The following DCDC2 variants were observed in gnomAD, a reference collection of about 807,000 sequenced individuals.
DCDC2 encodes doublecortin domain-containing protein 2.
DCDC2 carries 40 observed loss-of-function variants against 50.2 expected under a neutral mutation model. The ratio of observed to expected loss-of-function variants is 0.80; its 90% CI spans 0.62 to 1.04. The LOEUF (loss-of-function observed/expected upper bound fraction) is 1.04, where lower values mean the gene tolerates loss of function less well. DCDC2 is among the 50% of genes least tolerant of loss of function. The pLI is 0.00. For synonymous variants in DCDC2, 234 were observed against 210.6 expected (o/e 1.11, Z -0.96); for missense variants, 570 against 581.9 (o/e 0.98, Z 0.21).
At chr6:24,370,311 G>A in the DCDC2 span, among the ~76,000 whole-genome samples, 37 of 152,294 alleles carry the variant, frequency 2.4e-4, no homozygotes, top group African/African-American at 6.7e-4. Flanking sequence ...GTAAAATGGC[G>A]CAGCCTCTTT....
At chr6:24,296,934 C>T (rs987825030) in intron 4 of DCDC2, among the ~76,000 whole-genome samples, 2 of 152,194 alleles carry the variant, frequency 1.3e-5, no homozygotes. Flanking sequence ...AACAGAACTA[C>T]CGTTTGACCC....
At chr6:24,176,324 CT>C (rs1015833805) in intron 9 of DCDC2, among the ~76,000 whole-genome samples, 5 of 64,366 alleles carry the variant, frequency 7.8e-5, no homozygotes, top group Admixed American at 1.8e-4. Context: ...TAGATGTTGT[CT>C]CAAAAAAAAA....
chr6:24,261,204 C>T (rs76721790), intron 7 of DCDC2, among the ~76,000 whole-genome samples: 9 of 135,732 alleles, frequency 6.6e-5, no homozygotes, highest in African/African-American at 1.1e-4. Context: ...CATTTTCTTG[C>T]TTTTTTTTTT....
intron 8 of DCDC2, among the ~76,000 whole-genome samples, chr6:24,186,954 A>C (rs144785534): frequency 2.1e-3 from 315 of 152,184 alleles, no homozygotes; most frequent in Admixed American, 7.7e-3. Context: ...GAACAAACCA[A>C]CCCTGCCAAC....
At chr6:24,239,990 G>A (rs1164271838) in intron 7 of DCDC2, among the ~76,000 whole-genome samples, 1 of 152,160 alleles carries the variant, frequency 6.6e-6, no homozygotes, top group African/African-American at 2.4e-5. Flanking sequence ...AAGCTGGTGT[G>A]AGATGTACAA....
intron 7 of DCDC2, among the ~76,000 whole-genome samples, chr6:24,258,403 T>C (rs1390786118): frequency 6.6e-6 from 1 of 152,134 alleles, no homozygotes; most frequent in Non-Finnish European, 1.5e-5. Context: ...ATTGGTGCAC[T>C]TTTACAGAGT....
chr6:24,356,766 G>A (rs897730573), intron 1 of DCDC2: 1 of 152,218 alleles, frequency 6.6e-6, no homozygotes, highest in South Asian at 2.1e-4. Flanking sequence ...TCCCTGAACT[G>A]ACGGTTTCTT....
At chr6:24,336,260 T>C (rs1411197232) in intron 2 of DCDC2, among the ~76,000 whole-genome samples, 1 of 152,198 alleles carries the variant, frequency 6.6e-6, no homozygotes, top group Non-Finnish European at 1.5e-5. Context: ...ACCAGAGATT[T>C]TGAAGGATAT....
At position 24,288,920 on chromosome 6, in the gene DCDC2, T is replaced by C. The variant is rs368863915; in HGVS notation, c.705-14A>G. ...GAAGCTTTCTGACTGTGGAAACAAA[T>C]TGCAATTTAGAAATCTGAATGTTGT... On this transcript the variant is annotated splice_polypyrimidine_tract_variant and intron_variant, in intron 5 of 9. Coordinates refer to ENST00000378454, the MANE Select transcript of DCDC2 (RefSeq NM_016356.5). 1.3e-4 allele frequency: 204 copies of C among 1,585,580 alleles called. No homozygotes were observed. Among genetic ancestry groups the C allele is most frequent in the Non-Finnish European group, 1.6e-4 (189 of 1,168,042 alleles).
At position 24,357,628 on chromosome 6, in the gene DCDC2, C is replaced by T; in HGVS notation, c.123G>A (p.Val41=). Residue 41 remains valine (V), a synonymous_variant, in exon 1 of 10, where the codon GTG becomes GTA. Transcript: ENST00000378454. ...GRRVVIHEKK[V]SSFEVFLKEV... is the part of the protein sequence containing the mutation. The stretch of plus-strand genomic sequence containing the variant: ...CCTTCAGGAAGACTTCGAAGCTGGA[C>T]ACCTTCTTCTCATGGATGACGACGC... 1 of 1,613,434 alleles carries T rather than the reference C, an allele frequency of 6.2e-7. No homozygotes were observed. The highest frequency in any genetic ancestry group is 8.5e-7 in the Non-Finnish European group (1 of 1,179,996).
intron 4 of DCDC2, among the ~76,000 whole-genome samples, chr6:24,296,906 A>T (rs1759260911): frequency 6.6e-6 from 1 of 152,232 alleles, no homozygotes; most frequent in African/African-American, 2.4e-5. Context: ...CAGTGTGGCA[A>T]TTCCTCAGAG....
intron 1 of DCDC2, 114 bp downstream of exon 1, chr6:24,357,344 A>G (rs1484076938): frequency 4.8e-6 from 6 of 1,255,988 alleles, no homozygotes; most frequent in Non-Finnish European, 6.5e-6. Context: ...TCACACCGAG[A>G]AGTCACAGCC....
chr6:24,256,241 G>A (rs1480959278), intron 7 of DCDC2, among the ~76,000 whole-genome samples: 2 of 149,562 alleles, frequency 1.3e-5, no homozygotes, highest in South Asian at 2.1e-4. Flanking sequence ...CTAGACTAAA[G>A]ATGCAGAGGG....
At chr6:24,207,155 T>C (rs534165333) in intron 7 of DCDC2, among the ~76,000 whole-genome samples, 1 of 152,220 alleles carries the variant, frequency 6.6e-6, no homozygotes, top group African/African-American at 2.4e-5. Context: ...TTTAGAAAAC[T>C]TGGAAGGTGA....
At chr6:24,296,102 A>G (rs530482043) in intron 4 of DCDC2, among the ~76,000 whole-genome samples, 1 of 152,222 alleles carries the variant, frequency 6.6e-6, no homozygotes, top group Non-Finnish European at 1.5e-5. Flanking sequence ...TAACCAAAAC[A>G]GCATGGTATT....
Position 24,174,102 on chromosome 6 carries a change from G to A in DCDC2, c.*628C>T, listed in dbSNP as rs1028226653. On this transcript the variant is annotated 3_prime_UTR_variant, in exon 10 of 10. Transcript: ENST00000378454. ...GCAAGCCTGAAAGCATTTAAGTGAC[G>A]GCATGGCGATACTAGTCACTAACAC... is the stretch of plus-strand genomic sequence containing the variant. 4 of 152,136 alleles carry A rather than the reference G, an allele frequency of 2.6e-5. No individual in the cohort carries two copies. Among genetic ancestry groups the A allele is most frequent in the Non-Finnish European group, 5.9e-5 (4 of 68,024 alleles). The allele number at this position is 152,136 out of a possible 1,614,324, so 9.4% of individuals were successfully genotyped here. A position where few individuals can be genotyped will look rare whatever the true frequency, so the allele number is the denominator to read the frequency against.
At chr6:24,184,241 A>T (rs1319743350) in intron 8 of DCDC2, among the ~76,000 whole-genome samples, 1 of 151,862 alleles carries the variant, frequency 6.6e-6, no homozygotes, top group Admixed American at 6.6e-5. Context: ...AACATATGAG[A>T]TCTGCAGTAG....
Position 24,285,668 on chromosome 6 carries a change from A to G in DCDC2, c.759+3184T>C, listed in dbSNP as rs986831005. On this transcript the variant is annotated intron_variant, in intron 6 of 9. Coordinates refer to ENST00000378454, the MANE Select transcript of DCDC2 (RefSeq NM_016356.5). The stretch of plus-strand genomic sequence containing the variant: ...AAAAACTTACAAATGAGCAAGAAAT[A>G]AAAATTGCATGTGTGTACCTACACA... 5.9e-5 allele frequency among the ~76,000 whole-genome samples: 9 copies of G among 152,338 alleles called. No individual in the cohort carries two copies. In the East Asian group the frequency reaches 1.7e-3, roughly 29 times the overall value.
chr6:24,271,818 T>G (rs1420543990), intron 7 of DCDC2, among the ~76,000 whole-genome samples: 1 of 152,212 alleles, frequency 6.6e-6, no homozygotes, highest in African/African-American at 2.4e-5. Context: ...AAATGTGATC[T>G]GAGTATCAAA....
Sources: gnomAD v4.1 joint callset for allele counts (sites outside exome capture counted in the v4.1 genomes callset) on GRCh38, gnomAD v4.1.1 for gene constraint, MANE v1.5 for transcripts, NCBI Gene and HGNC (gene_info 2026-07-23, HGNC 2026-07-21) for gene names.